ARHGAP24: variants seen among roughly 807,000 people sequenced by gnomAD.
The protein encoded by ARHGAP24 is Rho GTPase activating protein 24, also known as rho GTPase-activating protein 24.
Under a neutral mutation model 76.4 loss-of-function variants are expected in ARHGAP24, and 50 were observed. The observed-to-expected ratio is 0.65, with a 90% CI of 0.52 to 0.83. ARHGAP24 has a LOEUF of 0.83. Among genes scored for constraint, ARHGAP24 ranks in the 40% least tolerant of loss-of-function variants. ARHGAP24 has a pLI of 0.00. For synonymous variants in ARHGAP24, 345 were observed against 323.3 expected, an observed-to-expected ratio of 1.07 and a Z score of -0.72; for missense variants, 930 against 914.2, an observed-to-expected ratio of 1.02 and a Z score of -0.22.
At chr4:85,915,537 A>G (rs1342510016) in intron 3 of ARHGAP24, among the ~76,000 whole-genome samples, 2 of 152,142 alleles carry the variant, frequency 1.3e-5, no homozygotes, top group Non-Finnish European at 2.9e-5. Flanking sequence ...TGTCATCTGC[A>G]TTAGGTATTG....
At chr4:85,676,276 G>A (rs1273242801) in intron 2 of ARHGAP24, among the ~76,000 whole-genome samples, 1 of 152,132 alleles carries the variant, frequency 6.6e-6, no homozygotes, top group Non-Finnish European at 1.5e-5. Context: ...AGCTTTTAAT[G>A]AGCAGTCCTG....
At chr4:85,590,976 C>T (rs1728071063) in intron 2 of ARHGAP24, among the ~76,000 whole-genome samples, 1 of 136,474 alleles carries the variant, frequency 7.3e-6, no homozygotes, top group African/African-American at 2.8e-5. Flanking sequence ...AAAGGCTGTA[C>T]AAAAATTATT....
intron 2 of ARHGAP24, among the ~76,000 whole-genome samples, chr4:85,583,302 G>A (rs1382426308): frequency 6.6e-6 from 1 of 152,038 alleles, no homozygotes; most frequent in Non-Finnish European, 1.5e-5. Flanking sequence ...ATGAAAAAGG[G>A]TAAATGTTTA....
chr4:85,694,513 T>C (rs1011218009), intron 2 of ARHGAP24, among the ~76,000 whole-genome samples: 1 of 152,210 alleles, frequency 6.6e-6, no homozygotes, highest in African/African-American at 2.4e-5. Flanking sequence ...TTTAGTATTG[T>C]TATTAACAAG....
rs1342861735 is a variant in ARHGAP24, at chr4:85,502,441, C to T, written c.-21+26882C>T. 2.0e-5 allele frequency among the ~76,000 whole-genome samples: 3 copies of T among 152,234 alleles called. No homozygotes were observed. The East Asian group carries it at 5.8e-4, about 29-fold the overall frequency. ...TTCTACTTGAAGAGGTCCTTCACATCCCTTGTAAGTTGGATTCCTAGGTAT... is the reference window on the plus strand; with the variant it reads ...TTCTACTTGAAGAGGTCCTTCACATTCCTTGTAAGTTGGATTCCTAGGTAT... On this transcript the variant is annotated intron_variant, in intron 1 of 9. Transcript: ENST00000395184.
At chr4:85,551,192 A>G (rs1726121844) in intron 1 of ARHGAP24, among the ~76,000 whole-genome samples, 1 of 152,130 alleles carries the variant, frequency 6.6e-6, no homozygotes, top group South Asian at 2.1e-4. Flanking sequence ...TATTATTTTA[A>G]AGTATGTTTG....
chr4:85,908,384 C>T (rs1734887823), intron 3 of ARHGAP24, among the ~76,000 whole-genome samples: 1 of 152,100 alleles, frequency 6.6e-6, no homozygotes, highest in South Asian at 2.1e-4. Flanking sequence ...CTGTACTCAT[C>T]ACAGTGACTT....
chr4:85,881,798 C>T (rs1229452153), intron 3 of ARHGAP24, among the ~76,000 whole-genome samples: 1 of 152,044 alleles, frequency 6.6e-6, no homozygotes, highest in East Asian at 1.9e-4. Context: ...CCCTTTGGTC[C>T]CTGCTCTAGG....
At position 85,601,553 on chromosome 4, in the gene ARHGAP24, C is replaced by G. The variant is rs185130852; in HGVS notation, c.180+30832C>G. On this transcript the variant is annotated intron_variant, in intron 2 of 9. Transcript: ENST00000395184. Reference sequence around the variant, plus strand: ...TCTACGCGCTAGATGCTTGGCAACCCCCAGTTGTAACAACCAAAAATCTCT... The same window carrying G: ...TCTACGCGCTAGATGCTTGGCAACCGCCAGTTGTAACAACCAAAAATCTCT... 3.2e-3 allele frequency among the ~76,000 whole-genome samples: 480 copies of G among 152,152 alleles called. 1 individual carries two copies. Among genetic ancestry groups the G allele is most frequent in the Non-Finnish European group, 5.4e-3 (368 of 67,998 alleles).
intron 3 of ARHGAP24, among the ~76,000 whole-genome samples, chr4:85,876,555 A>G (rs1156569690): frequency 6.6e-6 from 1 of 152,228 alleles, no homozygotes; most frequent in Non-Finnish European, 1.5e-5. Flanking sequence ...CTCTGTCCTC[A>G]GTAAGCAAGA....
intron 3 of ARHGAP24, among the ~76,000 whole-genome samples, chr4:85,876,843 G>C (rs1391730912): frequency 1.3e-5 from 2 of 152,016 alleles, no homozygotes; most frequent in African/African-American, 4.8e-5. Context: ...TTCATAATAA[G>C]CATGGTTTAT....
intron 8 of ARHGAP24, among the ~76,000 whole-genome samples, chr4:85,983,237 T>C (rs1487266938): frequency 6.6e-6 from 1 of 152,210 alleles, no homozygotes; most frequent in Non-Finnish European, 1.5e-5. Flanking sequence ...AGTGAACATA[T>C]GTGTGCATGT....
chr4:85,778,921 G>A (rs1487192361), intron 3 of ARHGAP24: 13 of 985,226 alleles, frequency 1.3e-5, no homozygotes, highest in Middle Eastern at 5.2e-4. Flanking sequence ...AACAAGAGTC[G>A]GCACTGGGAA....
At chr4:85,939,936 T>C (rs1736861080) in intron 4 of ARHGAP24, among the ~76,000 whole-genome samples, 1 of 152,096 alleles carries the variant, frequency 6.6e-6, no homozygotes, top group African/African-American at 2.4e-5. Flanking sequence ...TAAAATTTAT[T>C]CCCAAATGTC....
At chr4:85,893,793 T>C (rs937985945) in intron 3 of ARHGAP24, among the ~76,000 whole-genome samples, 3 of 151,632 alleles carry the variant, frequency 2.0e-5, no homozygotes, top group Non-Finnish European at 4.4e-5. Flanking sequence ...GTTCATGTCC[T>C]TTGTAGGGAC....
intron 2 of ARHGAP24, among the ~76,000 whole-genome samples, chr4:85,644,961 G>C (rs1168286630): frequency 1.3e-5 from 2 of 152,034 alleles, no homozygotes; most frequent in African/African-American, 4.8e-5. Flanking sequence ...TTTTTGTAAA[G>C]ACTGGGCTTC....
intron 3 of ARHGAP24, among the ~76,000 whole-genome samples, chr4:85,907,977 G>A (rs981345770): frequency 2.6e-5 from 4 of 152,090 alleles, no homozygotes; most frequent in African/African-American, 4.8e-5. Context: ...CAACCGTCTC[G>A]GAGCTTGGAT....
At chr4:85,965,598 C>CTTTA (rs1553948311) in intron 5 of ARHGAP24, among the ~76,000 whole-genome samples, 6,449 of 96,604 alleles carry the variant, frequency 0.067, 485 homozygotes, top group African/African-American at 0.19. Context: ...GAATTCCCTC[C>CTTTA]TTTGGAATTT....
At chr4:85,868,402 A>G (rs1445297090) in intron 3 of ARHGAP24, among the ~76,000 whole-genome samples, 1 of 152,198 alleles carries the variant, frequency 6.6e-6, no homozygotes. Flanking sequence ...CTTCAGAATC[A>G]GGAAAAGATC....
Sources: gnomAD v4.1 joint callset for allele counts (sites outside exome capture counted in the v4.1 genomes callset) on GRCh38, gnomAD v4.1.1 for gene constraint, MANE v1.5 for transcripts, NCBI Gene and HGNC (gene_info 2026-07-23, HGNC 2026-07-21) for gene names.